MIPEP: variants seen among roughly 807,000 people sequenced by gnomAD.
MIPEP encodes the protein mitochondrial intermediate peptidase.
Under a neutral mutation model 90.3 loss-of-function variants are expected in MIPEP, and 79 were observed. The observed-to-expected ratio is 0.87, with a 90% CI of 0.73 to 1.05. MIPEP has a LOEUF of 1.05. Among genes scored for constraint, MIPEP ranks in the 50% least tolerant of loss-of-function variants. The pLI is 0.00. For synonymous variants in MIPEP, 334 were observed against 315.8 expected (o/e 1.06, Z -0.61); for missense variants, 940 against 905.6 (o/e 1.04, Z -0.49).
chr13:23,884,780 C>G (rs1871405214), intron 2 of MIPEP, among the ~76,000 whole-genome samples: 1 of 152,212 alleles, frequency 6.6e-6, no homozygotes, highest in Non-Finnish European at 1.5e-5. Context: ...ATGTATCCCT[C>G]ATGCCTAGAC....
At chr13:23,845,467 G>T (rs897764765) in intron 10 of MIPEP, among the ~76,000 whole-genome samples, 3 of 152,142 alleles carry the variant, frequency 2.0e-5, no homozygotes, top group Non-Finnish European at 4.4e-5. Context: ...CTTTTTTACA[G>T]AAAATGCATC....
chr13:23,881,610 C>T lies in MIPEP; in HGVS notation c.452+89G>A, dbSNP rs113263238. On this transcript the variant is annotated intron_variant, in intron 3 of 18. Coordinates refer to ENST00000382172, the MANE Select transcript of MIPEP (RefSeq NM_005932.4). ...CCCACCCTGCTGGGTGAGGGACAAG[C>T]GCTATGGACAAAACTGCCTACGGCA... The T allele has an allele frequency of 4.5e-4, 495 of 1,110,624 alleles. 1 individual carries two copies. In the African/African-American group the frequency reaches 6.7e-3, roughly 15 times the overall value. 68.8% of individuals were successfully genotyped at this position (1,110,624 alleles called of 1,614,324 possible).
chr13:23,802,300 C>A (rs1488097227), intron 16 of MIPEP, among the ~76,000 whole-genome samples: 1 of 152,146 alleles, frequency 6.6e-6, no homozygotes, highest in Non-Finnish European at 1.5e-5. Flanking sequence ...AATGGCCGGG[C>A]ATGGTGGCTC....
chr13:23,880,290 G>A lies in MIPEP; in HGVS notation c.453-936C>T, dbSNP rs370233149. The stretch of plus-strand genomic sequence containing the variant: ...CAAGAAGGGCCAGACTCCCACACAC[G>A]GATCCCAGAAGTCAGGGAGAGAGTG... On this transcript the variant is annotated intron_variant, in intron 3 of 18. Coordinates refer to ENST00000382172, the MANE Select transcript of MIPEP (RefSeq NM_005932.4). Among the ~76,000 whole-genome samples, 761 of 152,182 alleles carry A rather than the reference G, an allele frequency of 5.0e-3. 4 individuals carry two copies. Among genetic ancestry groups the A allele is most frequent in the African/African-American group, 0.017 (705 of 41,512 alleles).
intron 14 of MIPEP, among the ~76,000 whole-genome samples, chr13:23,812,704 A>G (rs1593168777): frequency 6.6e-6 from 1 of 152,300 alleles, no homozygotes; most frequent in African/African-American, 2.4e-5. Context: ...GAAAAAAACA[A>G]AAAATGCTAC....
intron 10 of MIPEP, among the ~76,000 whole-genome samples, chr13:23,857,524 T>C (rs946469971): frequency 2.6e-5 from 4 of 152,172 alleles, no homozygotes; most frequent in Non-Finnish European, 5.9e-5. Flanking sequence ...GAGACATGAT[T>C]ACGCCACTGT....
chr13:23,821,169 A>G (rs924591144), intron 14 of MIPEP, among the ~76,000 whole-genome samples: 1 of 152,234 alleles, frequency 6.6e-6, no homozygotes, highest in African/African-American at 2.4e-5. Context: ...CCCTCAGTAA[A>G]GCTTTGCAAT....
intron 10 of MIPEP, among the ~76,000 whole-genome samples, chr13:23,845,738 T>A (rs1869508142): frequency 6.6e-6 from 1 of 152,250 alleles, no homozygotes; most frequent in Admixed American, 6.5e-5. Flanking sequence ...ACCTGCAGTG[T>A]ATGAAAATAC....
In MIPEP at chr13:23,837,694, A is replaced by C. The variant is rs773688500; in HGVS notation, c.1401T>G (p.Val467=). The change falls in exon 13 of 19, where the codon GTT becomes GTG. Residue 467 remains valine (V), a synonymous_variant. Transcript: ENST00000382172. Reference sequence around the variant, plus strand: ...GGGGAAGATTCAGCATAAGAACTACAACTGGGAGTTGATAGTCTCCATCTT... The same window carrying C: ...GGGGAAGATTCAGCATAAGAACTACCACTGGGAGTTGATAGTCTCCATCTT... ...LKEDGDYQLP[V]VVLMLNLPRS... is the part of the protein sequence containing the mutation. 80 of 1,614,002 alleles carry C rather than the reference A, an allele frequency of 5.0e-5. No individual in the cohort carries two copies. The highest frequency in any genetic ancestry group is 6.4e-5 in the Non-Finnish European group (75 of 1,179,934).
intron 18 of MIPEP, among the ~76,000 whole-genome samples, chr13:23,741,990 C>T (rs1952335496): frequency 6.6e-6 from 1 of 152,116 alleles, no homozygotes. Context: ...GAGCCTCAGG[C>T]TCCAAAAAAG....
At position 23,817,171 on chromosome 13, in the gene MIPEP, A is replaced by G. The variant is rs192141312; in HGVS notation, c.1654-7247T>C. Among the ~76,000 whole-genome samples, 537 of 152,354 alleles carry G rather than the reference A, an allele frequency of 3.5e-3. 1 individual carries two copies. The highest frequency in any genetic ancestry group is 5.9e-3 in the Non-Finnish European group (402 of 68,036). ...CAAATCCCAAACAGTTCAGACTTTCATTAAGTAATATCATTTGGGCTTAGC... is the reference window on the plus strand; with the variant it reads ...CAAATCCCAAACAGTTCAGACTTTCGTTAAGTAATATCATTTGGGCTTAGC... On this transcript the variant is annotated intron_variant, in intron 14 of 18. Transcript: ENST00000382172.
In MIPEP at chr13:23,862,323, C is replaced by T; in HGVS notation, c.1032G>A (p.Met344Ile). The change falls in exon 9 of 19, where the codon ATG (methionine) becomes ATA (isoleucine). Residue 344 changes from methionine to isoleucine, a missense_variant. Met to Ile is a conservative substitution (Grantham distance 10, BLOSUM62 1). Coordinates refer to ENST00000382172, the MANE Select transcript of MIPEP (RefSeq NM_005932.4). ...TTACGGAATTTTGAGGATTCAGTTT[C>T]ATTTTCATCCCTCGTATCATCTCAA... ...KDFEMIRGMKMKLNPQNSEVM... is the reference protein window; with the variant it reads ...KDFEMIRGMKIKLNPQNSEVM... 1.3e-6 allele frequency: 2 copies of T among 1,581,568 alleles called. No homozygotes were observed. The highest frequency in any genetic ancestry group is 1.1e-5 in the South Asian group (1 of 88,016).
At chr13:23,820,088 G>A (rs1953287588) in intron 14 of MIPEP, among the ~76,000 whole-genome samples, 1 of 152,040 alleles carries the variant, frequency 6.6e-6, no homozygotes, top group African/African-American at 2.4e-5. Context: ...TCTCCCCAAT[G>A]AGGTTTACAG....
intron 14 of MIPEP, among the ~76,000 whole-genome samples, chr13:23,829,964 A>G (rs1279777215): frequency 6.6e-6 from 1 of 152,242 alleles, no homozygotes; most frequent in Non-Finnish European, 1.5e-5. Context: ...TTAAAAGTCA[A>G]TGAGGATGCT....
chr13:23,842,482 T>C (rs1869340039), intron 10 of MIPEP: 1 of 152,214 alleles, frequency 6.6e-6, no homozygotes, highest in African/African-American at 2.4e-5. Context: ...TTAAACAGAA[T>C]CCTAGTGTTG....
At chr13:23,860,518 A>T (rs1870245501) in intron 9 of MIPEP, among the ~76,000 whole-genome samples, 1 of 152,210 alleles carries the variant, frequency 6.6e-6, no homozygotes, top group Non-Finnish European at 1.5e-5. Context: ...GAAGCTAGAG[A>T]AGGAGGCAAG....
intron 13 of MIPEP, 31 bp downstream of exon 13, chr13:23,837,521 G>A: frequency 1.3e-6 from 2 of 1,490,770 alleles, no homozygotes; most frequent in Non-Finnish European, 9.4e-7. Context: ...GTAAAGGACT[G>A]TAGTAAATAA....
intron 16 of MIPEP, among the ~76,000 whole-genome samples, chr13:23,797,031 C>T (rs916821543): frequency 6.6e-6 from 1 of 152,148 alleles, no homozygotes; most frequent in African/African-American, 2.4e-5. Context: ...AGGAGCAGAG[C>T]ATTATATTGT....
At chr13:23,799,349 A>T (rs1267856109) in intron 16 of MIPEP, among the ~76,000 whole-genome samples, 1 of 150,708 alleles carries the variant, frequency 6.6e-6, no homozygotes, top group Admixed American at 6.6e-5. Context: ...TTGTTTTGGG[A>T]CGGAGTCTCA....
Sources: allele counts gnomAD v4.1 joint callset (sites outside exome capture counted in the v4.1 genomes callset), GRCh38; gene constraint gnomAD v4.1.1; transcripts MANE v1.5; gene names NCBI Gene and HGNC (gene_info 2026-07-23, HGNC 2026-07-21).